Variants in ZHX2 observed in about 807,000 individuals in gnomAD.
ZHX2 encodes the protein zinc fingers and homeoboxes 2.
A neutral mutation model predicts 21.9 loss-of-function variants in ZHX2; 6 were observed. The ratio of observed to expected loss-of-function variants is 0.27; its 90% CI spans 0.15 to 0.54. ZHX2 has a LOEUF of 0.54. Among genes scored for constraint, ZHX2 ranks in the 20% least tolerant of loss-of-function variants. The probability of loss-of-function intolerance (pLI) is 0.95; values close to 1 mark genes in which losing one functional copy is unlikely to be tolerated. For missense variants in ZHX2, 908 were observed against 1,090.7 expected, an observed-to-expected ratio of 0.83 and a Z score of 2.36; for synonymous variants, 434 against 437.1, an observed-to-expected ratio of 0.99 and a Z score of 0.09.
intron 2 of ZHX2, among the ~76,000 whole-genome samples, chr8:122,895,692 C>T (rs1268559183): frequency 6.6e-6 from 1 of 151,428 alleles, no homozygotes; most frequent in Admixed American, 6.6e-5. Flanking sequence ...GTCATCCTTG[C>T]TCTTTAGACA....
chr8:122,872,029 C>A (rs1226140547), intron 2 of ZHX2, among the ~76,000 whole-genome samples: 2 of 152,180 alleles, frequency 1.3e-5, no homozygotes. Flanking sequence ...ATAACCCTGA[C>A]CCTGGCCCCT....
At chr8:122,937,129 G>C (rs564034394) in intron 2 of ZHX2, among the ~76,000 whole-genome samples, 5 of 152,230 alleles carry the variant, frequency 3.3e-5, no homozygotes, top group African/African-American at 1.2e-4. Flanking sequence ...AACCGGGGAG[G>C]CCCAGGGCTC....
chr8:122,825,506 T>G (rs1416103820), intron 1 of ZHX2, among the ~76,000 whole-genome samples: 3 of 152,176 alleles, frequency 2.0e-5, no homozygotes, highest in African/African-American at 7.2e-5. Flanking sequence ...CAAGTCCTAG[T>G]TTTCGAGCTC....
Position 122,855,521 on chromosome 8 carries a change from G to A in ZHX2, c.-282-7956G>A, listed in dbSNP as rs114526508. ...TTCCAAATCCCTGTCTTAACTGCGC[G>A]CCAGTTTGGGGCTCGTGGCCACATT... On this transcript the variant is annotated intron_variant, in intron 1 of 3. Coordinates refer to ENST00000314393, the MANE Select transcript of ZHX2 (RefSeq NM_014943.5). Among the ~76,000 whole-genome samples, 625 of 152,098 alleles carry A rather than the reference G, an allele frequency of 4.1e-3. 5 individuals are homozygous for A. The highest frequency in any genetic ancestry group is 0.014 in the African/African-American group (583 of 41,446).
chr8:122,820,199 G>T (rs1310115840), intron 1 of ZHX2, among the ~76,000 whole-genome samples: 1 of 152,190 alleles, frequency 6.6e-6, no homozygotes, highest in East Asian at 1.9e-4. Flanking sequence ...TACCCCCAGG[G>T]TCCCTGACTC....
At chr8:122,848,847 G>C (rs1159268515) in intron 1 of ZHX2, among the ~76,000 whole-genome samples, 1 of 152,242 alleles carries the variant, frequency 6.6e-6, no homozygotes, top group Non-Finnish European at 1.5e-5. Context: ...TGGGGCTGAA[G>C]CCAAGAGATT....
chr8:122,899,118 A>G (rs1376056663), intron 2 of ZHX2, among the ~76,000 whole-genome samples: 1 of 152,182 alleles, frequency 6.6e-6, no homozygotes, highest in Admixed American at 6.5e-5. Context: ...ACTGAGCTGG[A>G]CACTGTAAAT....
intron 2 of ZHX2, among the ~76,000 whole-genome samples, chr8:122,949,092 A>G (rs1185344084): frequency 6.6e-6 from 1 of 151,856 alleles, no homozygotes; most frequent in African/African-American, 2.4e-5. Flanking sequence ...TGGGAGGCCA[A>G]GGCAGGCAGA....
Position 122,951,319 on chromosome 8 carries a change from GT to G in ZHX2, c.-190del. On this transcript the variant is annotated 5_prime_UTR_variant, in exon 3 of 4. The change abolishes the stop of an existing upstream ORF in the 5' untranslated region. Transcript: ENST00000314393. ...ATGATGCTTCCTGGTGTGTTTAGTG[GT>G]TGGTGCCATTCCAATTTTCTGTGCT... 1.7e-6 allele frequency: 1 copy of G among 592,842 alleles called. No homozygotes were observed. Among genetic ancestry groups the G allele is most frequent in the Non-Finnish European group, 3.0e-6 (1 of 335,786 alleles). The allele number at this position is 592,842 out of a possible 1,614,324, so 36.7% of individuals were successfully genotyped here. A position where few individuals can be genotyped will look rare whatever the true frequency, so the allele number is the denominator to read the frequency against.
intron 1 of ZHX2, among the ~76,000 whole-genome samples, chr8:122,852,890 A>G (rs1818935376): frequency 6.6e-6 from 1 of 151,656 alleles, no homozygotes; most frequent in Admixed American, 6.6e-5. Context: ...CCCCTCATTC[A>G]CTCTGTGTGG....
intron 2 of ZHX2, among the ~76,000 whole-genome samples, chr8:122,911,242 G>A (rs775860189): frequency 4.0e-5 from 6 of 151,256 alleles, no homozygotes; most frequent in African/African-American, 1.2e-4. Flanking sequence ...CGTCTTCCCT[G>A]GTGGTTCCCG....
chr8:122,875,795 C>T (rs759693514), intron 2 of ZHX2, among the ~76,000 whole-genome samples: 2 of 152,248 alleles, frequency 1.3e-5, no homozygotes, highest in African/African-American at 2.4e-5. Flanking sequence ...GGCAGCCTGA[C>T]TCTGAATTTT....
intron 2 of ZHX2, among the ~76,000 whole-genome samples, chr8:122,930,813 G>A (rs1156259780): frequency 1.3e-5 from 2 of 151,996 alleles, no homozygotes; most frequent in East Asian, 1.9e-4. Context: ...AAAAGATGGA[G>A]GACGGGGGTG....
chr8:122,929,222 C>T (rs1563588636), intron 2 of ZHX2, among the ~76,000 whole-genome samples: 1 of 152,196 alleles, frequency 6.6e-6, no homozygotes, highest in Non-Finnish European at 1.5e-5. Flanking sequence ...TGTTTGCCTG[C>T]TTTGATCAGC....
At chr8:122,785,988 G>A (rs769340146) in intron 1 of ZHX2, among the ~76,000 whole-genome samples, 1 of 152,200 alleles carries the variant, frequency 6.6e-6, no homozygotes, top group Non-Finnish European at 1.5e-5. Flanking sequence ...GCAATAAAAC[G>A]AGTTCTGCAA....
At chr8:122,911,785 CT>C (rs1418328051) in intron 2 of ZHX2, among the ~76,000 whole-genome samples, 8 of 152,144 alleles carry the variant, frequency 5.3e-5, no homozygotes, top group Non-Finnish European at 8.8e-5. Flanking sequence ...TGTGGTGGGA[CT>C]TACCCTCATC....
intron 2 of ZHX2, among the ~76,000 whole-genome samples, chr8:122,909,458 G>T (rs1327799600): frequency 6.6e-6 from 1 of 151,730 alleles, no homozygotes; most frequent in African/African-American, 2.4e-5. Context: ...AAAAAGTGGG[G>T]CAGGCGTTAG....
At chr8:122,900,589 A>C (rs1487492797) in intron 2 of ZHX2, among the ~76,000 whole-genome samples, 3 of 152,066 alleles carry the variant, frequency 2.0e-5, no homozygotes, top group Non-Finnish European at 4.4e-5. Context: ...TCTGCTCCTC[A>C]CACGTGGGTT....
chr8:122,819,665 C>A (rs752514672), intron 1 of ZHX2, among the ~76,000 whole-genome samples: 7 of 152,148 alleles, frequency 4.6e-5, no homozygotes, highest in Non-Finnish European at 8.8e-5. Flanking sequence ...CCATGGGGAC[C>A]CCAGCTCATT....
Sources: allele counts gnomAD v4.1 joint callset (sites outside exome capture counted in the v4.1 genomes callset), GRCh38; gene constraint gnomAD v4.1.1; transcripts MANE v1.5; gene names NCBI Gene and HGNC (gene_info 2026-07-23, HGNC 2026-07-21).